The following LNX1 variants were observed in gnomAD, a reference collection of about 807,000 sequenced individuals.
LNX1 encodes the protein E3 ubiquitin-protein ligase LNX.
In LNX1, 54 loss-of-function variants were observed where a neutral mutation model predicts 68.4. That is an observed-to-expected ratio of 0.79 (90% CI 0.63 to 0.99). The LOEUF is 0.99. Among genes scored for constraint, LNX1 ranks in the 50% least tolerant of loss-of-function variants. The probability of loss-of-function intolerance (pLI) is 0.00; values close to 1 mark genes in which losing one functional copy is unlikely to be tolerated. For synonymous variants in LNX1, 336 were observed against 350.0 expected, an observed-to-expected ratio of 0.96 and a Z score of 0.45; for missense variants, 906 against 926.4, an observed-to-expected ratio of 0.98 and a Z score of 0.29.
At chr4:53,579,592 C>G (rs1410845507) in intron 1 of LNX1, among the ~76,000 whole-genome samples, 1 of 152,114 alleles carries the variant, frequency 6.6e-6, no homozygotes, top group African/African-American at 2.4e-5. Context: ...GTGCCGCCTG[C>G]AACCAAGAGG....
intron 1 of LNX1, among the ~76,000 whole-genome samples, chr4:53,629,930 C>T (rs573634737): frequency 6.6e-6 from 1 of 152,274 alleles, no homozygotes; most frequent in Non-Finnish European, 1.5e-5. Flanking sequence ...CAATTCTTCT[C>T]ATTCCTCCAA....
chr4:53,507,933 G>A, intron 3 of LNX1, 53 bp downstream of exon 3: 2 of 1,587,962 alleles, frequency 1.3e-6, no homozygotes, highest in Non-Finnish European at 1.7e-6. Context: ...ATTCCACAGA[G>A]GGCAATCGCA....
intron 2 of LNX1, among the ~76,000 whole-genome samples, chr4:53,610,842 TATAA>T (rs1266420004): frequency 1.3e-5 from 2 of 151,634 alleles, no homozygotes; most frequent in Admixed American, 6.6e-5. Context: ...TAATAGGATA[TATAA>T]ATAAATTTAA....
intron 2 of LNX1, among the ~76,000 whole-genome samples, chr4:53,541,465 A>G (rs1002692772): frequency 2.0e-5 from 3 of 151,756 alleles, no homozygotes; most frequent in Non-Finnish European, 4.4e-5. Context: ...TCTAATCAGC[A>G]CATTTCATAT....
At chr4:53,617,332 C>T (rs1312761629) in exon 1 of LNX1, 2 of 152,142 alleles carry the variant, frequency 1.3e-5, no homozygotes, top group Non-Finnish European at 2.9e-5. Flanking sequence ...TTTTGAAGGT[C>T]ACAGCAGTAA....
intron 6 of LNX1, among the ~76,000 whole-genome samples, chr4:53,486,285 G>A (rs942343774): frequency 6.0e-5 from 8 of 133,038 alleles, no homozygotes; most frequent in African/African-American, 1.2e-4. Context: ...CCACCCAATC[G>A]GCAGAGCGCA....
chr4:53,476,374 C>G (rs1473388182), intron 9 of LNX1, among the ~76,000 whole-genome samples: 1 of 152,100 alleles, frequency 6.6e-6, no homozygotes, highest in African/African-American at 2.4e-5. Flanking sequence ...GCAGATTAGG[C>G]GAAGGTGAAC....
intron 2 of LNX1, among the ~76,000 whole-genome samples, chr4:53,561,579 T>C (rs977307687): frequency 3.9e-5 from 6 of 152,184 alleles, no homozygotes; most frequent in Admixed American, 1.3e-4. Context: ...GACAGCTAGC[T>C]GTGTTGTCCT....
chr4:53,575,366 T>G (rs1375595348), intron 1 of LNX1, among the ~76,000 whole-genome samples: 1 of 152,226 alleles, frequency 6.6e-6, no homozygotes, highest in Non-Finnish European at 1.5e-5. Context: ...ATCAAGTTTT[T>G]CAACATGCTT....
At chr4:53,507,935 G>A in intron 3 of LNX1, 51 bp downstream of exon 3, 6 of 1,588,468 alleles carry the variant, frequency 3.8e-6, no homozygotes, top group Non-Finnish European at 5.2e-6. Context: ...TCCACAGAGG[G>A]CAATCGCAAG....
At chr4:53,536,354 A>C (rs945727926) in intron 2 of LNX1, among the ~76,000 whole-genome samples, 6 of 152,222 alleles carry the variant, frequency 3.9e-5, no homozygotes, top group Middle Eastern at 6.8e-3. Flanking sequence ...ACTTTTACAC[A>C]AACGCCACAC....
At chr4:53,618,815 T>A (rs1733769369), upstream of LNX1, among the ~76,000 whole-genome samples, 2 of 152,122 alleles carry the variant, frequency 1.3e-5, no homozygotes, top group South Asian at 2.1e-4. Context: ...ATATTAAACA[T>A]GTATTCACAT....
At chr4:53,611,739 G>A (rs2590794) in intron 2 of LNX1, among the ~76,000 whole-genome samples, 114,318 of 151,954 alleles carry the variant, frequency 0.75, 43,293 homozygotes, top group East Asian at 0.9. Flanking sequence ...TCAAGGATAC[G>A]CTACAAATAT....
At chr4:53,498,451 G>A (rs1457189443) in intron 5 of LNX1, among the ~76,000 whole-genome samples, 190 bp downstream of exon 5, 1 of 152,092 alleles carries the variant, frequency 6.6e-6, no homozygotes, top group South Asian at 2.1e-4. Flanking sequence ...GAGAGTGAAA[G>A]AGCAAGACAG....
At chr4:53,631,600 C>T (rs1476439026) in intron 1 of LNX1, among the ~76,000 whole-genome samples, 3 of 152,128 alleles carry the variant, frequency 2.0e-5, no homozygotes, top group Non-Finnish European at 4.4e-5. Context: ...GTTGGCTACA[C>T]ATTACAAGTA....
chr4:53,473,790 C>T (rs941545840), intron 9 of LNX1, among the ~76,000 whole-genome samples: 2 of 151,940 alleles, frequency 1.3e-5, no homozygotes, highest in Non-Finnish European at 2.9e-5. Context: ...TGCACATGTA[C>T]CCCTGAACCT....
chr4:53,571,010 G>A (rs1731124739), intron 2 of LNX1, among the ~76,000 whole-genome samples: 1 of 150,314 alleles, frequency 6.7e-6, no homozygotes, highest in African/African-American at 2.4e-5. Context: ...CTGGGCGACA[G>A]AGCCAGACTC....
intron 1 of LNX1, among the ~76,000 whole-genome samples, chr4:53,648,419 G>C (rs1734971532): frequency 6.6e-6 from 1 of 152,092 alleles, no homozygotes; most frequent in South Asian, 2.1e-4. Context: ...TTGGAGAAAT[G>C]TCCATGCAAG....
intron 4 of LNX1, among the ~76,000 whole-genome samples, chr4:53,504,564 C>T (rs1398089217): frequency 6.6e-6 from 1 of 152,212 alleles, no homozygotes; most frequent in Non-Finnish European, 1.5e-5. Context: ...CTTTTAATTC[C>T]CTTCAAGAAC....
Sources: gnomAD v4.1 joint callset for allele counts (sites outside exome capture counted in the v4.1 genomes callset) on GRCh38, gnomAD v4.1.1 for gene constraint, MANE v1.5 for transcripts, NCBI Gene and HGNC (gene_info 2026-07-23, HGNC 2026-07-21) for gene names.